ATP5PO: variants seen among roughly 807,000 people sequenced by gnomAD.
ATP5PO encodes the protein ATP synthase peripheral stalk subunit OSCP.
Under a neutral mutation model 26.2 loss-of-function variants are expected in ATP5PO, and 14 were observed. That is an observed-to-expected ratio of 0.53 (90% CI 0.35 to 0.83). ATP5PO has a LOEUF of 0.83. Among genes scored for constraint, ATP5PO ranks in the 40% least tolerant of loss-of-function variants. The probability of loss-of-function intolerance (pLI) is 0.01; values close to 1 mark genes in which losing one functional copy is unlikely to be tolerated. For synonymous variants in ATP5PO, 106 were observed against 95.1 expected, an observed-to-expected ratio of 1.12 and a Z score of -0.67; for missense variants, 241 against 258.5, an observed-to-expected ratio of 0.93 and a Z score of 0.46.
At chr21:33,910,662 A>T (rs1433873956) in intron 3 of ATP5PO, among the ~76,000 whole-genome samples, 1 of 152,264 alleles carries the variant, frequency 6.6e-6, no homozygotes, top group East Asian at 1.9e-4. Context: ...ACCTCCAAAA[A>T]TGCCTGTGTG....
intron 4 of ATP5PO, chr21:33,908,841 T>G: frequency 2.5e-6 from 1 of 403,450 alleles, no homozygotes. Flanking sequence ...CTACTGACTA[T>G]ACAATTAGAC....
At chr21:33,907,693 G>A (rs1418355362) in intron 4 of ATP5PO, among the ~76,000 whole-genome samples, 1 of 152,216 alleles carries the variant, frequency 6.6e-6, no homozygotes, top group Admixed American at 6.5e-5. Flanking sequence ...GGGCTTGGTG[G>A]TGCATGTCTA....
intron 3 of ATP5PO, among the ~76,000 whole-genome samples, chr21:33,911,485 G>A (rs1347891792): frequency 1.3e-5 from 2 of 152,046 alleles, no homozygotes; most frequent in Non-Finnish European, 1.5e-5. Context: ...CTGGGGTTCT[G>A]GCAATTGCAA....
Position 33,903,599 on chromosome 21 carries a change from C to T in ATP5PO, c.569G>A (p.Gly190Asp). 2 of 1,614,184 alleles carry T rather than the reference C, an allele frequency of 1.2e-6. No individual in the cohort carries two copies. The highest frequency in any genetic ancestry group is 1.7e-6 in the Non-Finnish European group (2 of 1,180,036). Residue 190 changes from glycine to aspartate, a missense_variant, in exon 7 of 7, where the codon GGC (glycine) becomes GAC (aspartate). By Grantham distance (94) the Gly-to-Asp change is moderately conservative. Transcript: ENST00000290299. ...GACAGACATGTCAACATATTTCTCG[C>T]CAATGCGCACAATCATTCCACCCAA... is the stretch of plus-strand genomic sequence containing the variant. ...SILGGMIVRIGEKYVDMSVKT... is the reference protein window; with the variant it reads ...SILGGMIVRIDEKYVDMSVKT...
chr21:33,909,999 C>T (rs569702563), intron 3 of ATP5PO, among the ~76,000 whole-genome samples: 32 of 152,276 alleles, frequency 2.1e-4, no homozygotes, highest in Admixed American at 9.8e-4. Flanking sequence ...GCTGCCAGAG[C>T]GGCCCCAAAG....
intron 3 of ATP5PO, among the ~76,000 whole-genome samples, chr21:33,911,813 A>G (rs937959149): frequency 1.3e-5 from 2 of 151,852 alleles, no homozygotes; most frequent in African/African-American, 4.8e-5. Flanking sequence ...ACAGGTGTTC[A>G]CTACCACGTC....
At position 33,909,089 on chromosome 21, in the gene ATP5PO, A is replaced by G. The variant is rs4591; in HGVS notation, c.321T>C (p.Asn107=). 1,110,583 of 1,607,786 alleles carry G rather than the reference A, an allele frequency of 0.69. 384,644 individuals carry two copies. The highest frequency in any genetic ancestry group is 0.73 in the South Asian group (66,446 of 90,826). ...AKERFSPLTT[N]LINLLAENGR... is the part of the protein sequence containing the mutation. ...AAAAGTTCTAATACTCACTGATCAGATTGGTAGTGAGGGGAGAGAACCTCT... is the reference window on the plus strand; with the variant it reads ...AAAAGTTCTAATACTCACTGATCAGGTTGGTAGTGAGGGGAGAGAACCTCT... The change falls in exon 4 of 7, where the codon AAT becomes AAC. Residue 107 remains asparagine (N), a synonymous_variant. Transcript: ENST00000290299.
At chr21:33,907,520 C>T in intron 4 of ATP5PO, 67 bp from the exon 5 acceptor site, 1 of 1,391,504 alleles carries the variant, frequency 7.2e-7, no homozygotes, top group Non-Finnish European at 1.0e-6. Flanking sequence ...AAGTTGTATA[C>T]TCAACCCAAA....
At chr21:33,912,491 A>AAATTTATATAAATTATAT in intron 2 of ATP5PO, 92 bp from the exon 3 acceptor site, 1 of 819,764 alleles carries the variant, frequency 1.2e-6, no homozygotes. Context: ...TTATATTTTA[A>AAATTTATATAAATTATAT]AAAATGTATC....
chr21:33,907,121 C>G, intron 5 of ATP5PO: 2 of 536,782 alleles, frequency 3.7e-6, no homozygotes, highest in Non-Finnish European at 6.7e-6. Flanking sequence ...TTAACCCAGG[C>G]CTTATGAATA....
At chr21:33,915,416 G>A (rs928879145) in intron 1 of ATP5PO, 4 of 459,760 alleles carry the variant, frequency 8.7e-6, no homozygotes, top group East Asian at 8.6e-5. Context: ...TTGGGGGCTA[G>A]TCCATGCCCC....
Position 33,903,986 on chromosome 21 carries a change from A to G in ATP5PO, c.477T>C (p.Thr159=), listed in dbSNP as rs1323317448. 6.2e-7 allele frequency: 1 copy of G among 1,613,698 alleles called. No individual in the cohort carries two copies. The highest frequency in any genetic ancestry group is 2.2e-5 in the East Asian group (1 of 44,880). ...CTTGACTTAGGAAGCTCTTGAGGAC[A>G]GTTTTTAATTCAGAGAGTGTGGCTT... ...LEEATLSELK[T]VLKSFLSQGQ... is the part of the protein sequence containing the mutation. The change falls in exon 6 of 7, where the codon ACT becomes ACC. Residue 159 remains threonine (T), a synonymous_variant. Transcript: ENST00000290299.
chr21:33,906,423 G>A (rs1987173381), intron 5 of ATP5PO: 1 of 324,000 alleles, frequency 3.1e-6, no homozygotes, highest in Non-Finnish European at 6.0e-6. Flanking sequence ...GAGGCCTTGA[G>A]GCCTGTGTTC....
At chr21:33,915,365 G>A (rs984842669) in intron 1 of ATP5PO, 1 of 314,444 alleles carries the variant, frequency 3.2e-6, no homozygotes, top group African/African-American at 2.2e-5. Flanking sequence ...ACTAGTAAGT[G>A]ATCTCTGACA....
chr21:33,903,784 CA>C, intron 6 of ATP5PO, 145 bp from the exon 7 acceptor site: 1 of 1,074,410 alleles, frequency 9.3e-7, no homozygotes. Flanking sequence ...ACTGCACAGT[CA>C]GATAATCATT....
intron 2 of ATP5PO, among the ~76,000 whole-genome samples, chr21:33,913,635 T>C (rs1387193625): frequency 6.6e-6 from 1 of 152,206 alleles, no homozygotes; most frequent in Non-Finnish European, 1.5e-5. Flanking sequence ...TCAACTGGAT[T>C]ACTTCTGGTT....
intron 3 of ATP5PO, among the ~76,000 whole-genome samples, chr21:33,910,797 G>C (rs1332618273): frequency 6.6e-6 from 1 of 152,206 alleles, no homozygotes; most frequent in Non-Finnish European, 1.5e-5. Context: ...TATCTGCAGA[G>C]ATAAATGGAT....
chr21:33,907,075 C>T (rs773359227), intron 5 of ATP5PO: 25 of 454,508 alleles, frequency 5.5e-5, no homozygotes, highest in South Asian at 3.5e-4. Flanking sequence ...AGAGTCTAAA[C>T]CACTCTTTTC....
In ATP5PO at chr21:33,908,841, T is replaced by C. The variant is rs191934200; in HGVS notation, c.328+241A>G. 8.9e-5 allele frequency: 36 copies of C among 403,444 alleles called. No homozygotes were observed. The East Asian group carries it at 1.2e-3, about 13-fold the overall frequency. 25.0% of individuals were successfully genotyped at this position (403,444 alleles called of 1,614,324 possible). A position where few individuals can be genotyped will look rare whatever the true frequency, so the allele number is the denominator to read the frequency against. Reference sequence around the variant, plus strand: ...CCTCCACAGTTGAAACTACTGACTATACAATTAGACATGCTTAGGTCCTAG... The same window carrying C: ...CCTCCACAGTTGAAACTACTGACTACACAATTAGACATGCTTAGGTCCTAG... On this transcript the variant is annotated intron_variant, in intron 4 of 6. Coordinates refer to ENST00000290299, the MANE Select transcript of ATP5PO (RefSeq NM_001697.3).
Sources: gnomAD v4.1 joint callset for allele counts (sites outside exome capture counted in the v4.1 genomes callset) on GRCh38, gnomAD v4.1.1 for gene constraint, MANE v1.5 for transcripts, NCBI Gene and HGNC (gene_info 2026-07-23, HGNC 2026-07-21) for gene names.